The following OR5V1 variants were observed in gnomAD, a reference collection of about 807,000 sequenced individuals.
The protein encoded by OR5V1 is olfactory receptor 5V1.
For missense variants in OR5V1, 365 were observed against 371.5 expected, an observed-to-expected ratio of 0.98 and a Z score of 0.14; for synonymous variants, 134 against 143.2, an observed-to-expected ratio of 0.94 and a Z score of 0.46.
chr6:29,354,155 G>C lies in OR5V1; in HGVS notation c.*1075C>G, dbSNP rs1015672972. 6.6e-6 allele frequency: 1 copy of C among 152,130 alleles called. No individual in the cohort carries two copies. Among genetic ancestry groups the C allele is most frequent in the Admixed American group, 6.6e-5 (1 of 15,266 alleles). The allele number at this position is 152,130 out of a possible 1,614,324, so 9.4% of individuals were successfully genotyped here. ...GACACTAGACAACTTGTATCTACCT[G>C]ATCTATAAGCCTTTTTCTATCTCTC... is the stretch of plus-strand genomic sequence containing the variant. On this transcript the variant is annotated 3_prime_UTR_variant, in exon 2 of 2. Coordinates refer to ENST00000641768, the MANE Select transcript of OR5V1 (RefSeq NM_030876.6).
rs1162513405 is a variant in OR5V1 at position 29,355,530 on chromosome 6, G to T, written c.666C>A (p.Ile222=). 6.2e-7 allele frequency: 1 copy of T among 1,613,972 alleles called. No homozygotes were observed. Among genetic ancestry groups the T allele is most frequent in the Non-Finnish European group, 8.5e-7 (1 of 1,179,886 alleles). ...LCIVLSYICI[I]STILRIQSSE... ...AGGACTGGATCCTCAAGATGGTGGA[G>T]ATTATGCAAATGTAGGAAAGTACGA... Residue 222 remains isoleucine (I), a synonymous_variant, in exon 2 of 2, where the codon ATC becomes ATA. Coordinates refer to ENST00000641768, the MANE Select transcript of OR5V1 (RefSeq NM_030876.6).
At chr6:29,366,586 T>C (rs1778866822) in intron 1 of OR5V1, among the ~76,000 whole-genome samples, 1 of 152,240 alleles carries the variant, frequency 6.6e-6, no homozygotes, top group East Asian at 1.9e-4. Context: ...CAGAACTAAT[T>C]TCCTGCATGT....
intron 1 of OR5V1, among the ~76,000 whole-genome samples, chr6:29,356,715 G>T (rs535660708): frequency 6.6e-6 from 1 of 152,148 alleles, no homozygotes; most frequent in South Asian, 2.1e-4. Context: ...GAAAAATATA[G>T]AAAAGAAAAT....
In OR5V1 at chr6:29,355,399, T is replaced by G. The variant is rs1275913677; in HGVS notation, c.797A>C (p.Tyr266Ser). The G allele has an allele frequency of 6.2e-7, 1 of 1,613,696 alleles. No individual in the cohort carries two copies. The highest frequency in any genetic ancestry group is 1.3e-5 in the African/African-American group (1 of 74,838). ...AACCAACCTATCTTTCTTTAATGAG[T>G]AAGTTGAGATGGGCCGTACATATGT... ...IFTYVRPIST[Y>S]SLKKDRLVSV... is the part of the protein sequence containing the mutation. The change falls in exon 2 of 2, where the codon TAC becomes TCC. Residue 266 changes from tyrosine (Y) to serine (S), a missense_variant. Transcript: ENST00000641768.
At position 29,354,603 on chromosome 6, in the gene OR5V1, G is replaced by C. The variant is rs1324024967; in HGVS notation, c.*627C>G. ...TTAGAAAAATCCCTCAGGAAATTCT[G>C]CCTTTTGAATAGAATAAAGAATGCA... On this transcript the variant is annotated 3_prime_UTR_variant, in exon 2 of 2. Coordinates refer to ENST00000641768, the MANE Select transcript of OR5V1 (RefSeq NM_030876.6). The C allele has an allele frequency of 6.6e-6, 1 of 152,084 alleles. No homozygotes were observed. Among genetic ancestry groups the C allele is most frequent in the Non-Finnish European group, 1.5e-5 (1 of 67,982 alleles). 9.4% of individuals were successfully genotyped at this position (152,084 alleles called of 1,614,324 possible). A position where few individuals can be genotyped will look rare whatever the true frequency, so the allele number is the denominator to read the frequency against.
intron 1 of OR5V1, among the ~76,000 whole-genome samples, chr6:29,358,459 A>G (rs1189003841): frequency 2.0e-5 from 3 of 152,216 alleles, no homozygotes; most frequent in Non-Finnish European, 4.4e-5. Context: ...CCACTTCTGG[A>G]TATATATTCA....
chr6:29,363,555 C>T (rs1778688580), intron 1 of OR5V1, among the ~76,000 whole-genome samples: 1 of 152,092 alleles, frequency 6.6e-6, no homozygotes, highest in East Asian at 1.9e-4. Context: ...GCTCAATAAA[C>T]TACTGGCAAA....
chr6:29,367,840 C>A, intron 1 of OR5V1, among the ~76,000 whole-genome samples: 1 of 152,180 alleles, frequency 6.6e-6, no homozygotes, highest in Admixed American at 6.5e-5. Flanking sequence ...AGGAAAATTA[C>A]TGCTTTTCCA....
intron 1 of OR5V1, among the ~76,000 whole-genome samples, chr6:29,361,659 C>T (rs1376419392): frequency 1.3e-5 from 2 of 152,082 alleles, no homozygotes; most frequent in African/African-American, 4.8e-5. Context: ...ATTTTCAACT[C>T]AGAATTTTGC....
At position 29,354,942 on chromosome 6, in the gene OR5V1, T is replaced by C. The variant is rs1778180840; in HGVS notation, c.*288A>G. 3 of 305,860 alleles carry C rather than the reference T, an allele frequency of 9.8e-6. No individual in the cohort carries two copies. Among genetic ancestry groups the C allele is most frequent in the Non-Finnish European group, 1.8e-5 (3 of 169,452 alleles). The allele number at this position is 305,860 out of a possible 1,614,324, so 18.9% of individuals were successfully genotyped here. On this transcript the variant is annotated 3_prime_UTR_variant, in exon 2 of 2. Transcript: ENST00000641768. ...AAGCAATATGAAAAAGCAGGGAAAT[T>C]TTCAAGTGATGAAGTCCATTAAACA...
intron 1 of OR5V1, among the ~76,000 whole-genome samples, chr6:29,356,625 T>C (rs1294655592): frequency 6.6e-6 from 1 of 152,168 alleles, no homozygotes; most frequent in East Asian, 1.9e-4. Flanking sequence ...GCTCTCCTTT[T>C]TCATACTTCA....
In OR5V1 at chr6:29,364,594, C is replaced by T. The variant is rs1185883734; in HGVS notation, c.-83+4038G>A. On this transcript the variant is annotated intron_variant, in intron 1 of 1. Coordinates refer to ENST00000641768, the MANE Select transcript of OR5V1 (RefSeq NM_030876.6). ...CGGGCGGATCACGAGGTCAGGAGAT[C>T]GAGACCATCCCGGCTAAAACGGTGA... Among the ~76,000 whole-genome samples, 24 of 67,944 alleles carry T rather than the reference C, an allele frequency of 3.5e-4. 7 individuals carry two copies. Among genetic ancestry groups the T allele is most frequent in the African/African-American group, 1.0e-3 (24 of 23,746 alleles). The allele number at this position is 67,944 out of a possible 152,430, so 44.6% of individuals were successfully genotyped here.
At position 29,354,077 on chromosome 6, in the gene OR5V1, A is replaced by C. The variant is rs1778136309; in HGVS notation, c.*1153T>G. 1 of 152,178 alleles carries C rather than the reference A, an allele frequency of 6.6e-6. No homozygotes were observed. Among genetic ancestry groups the C allele is most frequent in the South Asian group, 2.1e-4 (1 of 4,832 alleles). The allele number at this position is 152,178 out of a possible 1,614,324, so 9.4% of individuals were successfully genotyped here. A position where few individuals can be genotyped will look rare whatever the true frequency, so the allele number is the denominator to read the frequency against. On this transcript the variant is annotated 3_prime_UTR_variant, in exon 2 of 2. Coordinates refer to ENST00000641768, the MANE Select transcript of OR5V1 (RefSeq NM_030876.6). ...AAGTCAAGACTTAATCAAGGGAGGC[A>C]TCAGTAGGTATGGGAAGAAAAAGAA...
In OR5V1 at chr6:29,355,120, A is replaced by G. The variant is rs1386981443; in HGVS notation, c.*110T>C. ...AGTACACTTAGACTGGAGTGTATCA[A>G]CTCTTCAATATCTGTCCCAACATTG... On this transcript the variant is annotated 3_prime_UTR_variant, in exon 2 of 2. Transcript: ENST00000641768. 3 of 1,063,546 alleles carry G rather than the reference A, an allele frequency of 2.8e-6. No individual in the cohort carries two copies. Among genetic ancestry groups the G allele is most frequent in the Non-Finnish European group, 1.3e-6 (1 of 752,156 alleles). 65.9% of individuals were successfully genotyped at this position (1,063,546 alleles called of 1,614,324 possible).
At position 29,364,517 on chromosome 6, in the gene OR5V1, G is replaced by GAGGCATCATGCTACCTGACTTCAAACTA. The variant is rs1229133093; in HGVS notation, c.-83+4114_-83+4115insTAGTTTGAAGTCAGGTAGCATGATGCCT. Among the ~76,000 whole-genome samples, 81 of 90,268 alleles carry GAGGCATCATGCTACCTGACTTCAAACTA rather than the reference G, an allele frequency of 9.0e-4. 2 individuals are homozygous for GAGGCATCATGCTACCTGACTTCAAACTA. Among genetic ancestry groups the GAGGCATCATGCTACCTGACTTCAAACTA allele is most frequent in the African/African-American group, 2.0e-3 (62 of 30,578 alleles). 59.2% of individuals were successfully genotyped at this position (90,268 alleles called of 152,430 possible). ...ATCCTAAGCAAAAAGAACAAAGCTGGGCCGGGCGCGGTGGCTCACGCCTGT... is the reference window on the plus strand; with the variant it reads ...ATCCTAAGCAAAAAGAACAAAGCTGGAGGCATCATGCTACCTGACTTCAAACTAGCCGGGCGCGGTGGCTCACGCCTGT... On this transcript the variant is annotated intron_variant, in intron 1 of 1. Coordinates refer to ENST00000641768, the MANE Select transcript of OR5V1 (RefSeq NM_030876.6).
Position 29,354,755 on chromosome 6 carries a change from A to G in OR5V1, c.*475T>C, listed in dbSNP as rs1346645988. The G allele has an allele frequency of 6.6e-6, 1 of 152,546 alleles. No individual in the cohort carries two copies. The highest frequency in any genetic ancestry group is 2.4e-5 in the African/African-American group (1 of 41,476). The allele number at this position is 152,546 out of a possible 1,614,324, so 9.4% of individuals were successfully genotyped here. A position where few individuals can be genotyped will look rare whatever the true frequency, so the allele number is the denominator to read the frequency against. On this transcript the variant is annotated 3_prime_UTR_variant, in exon 2 of 2. Transcript: ENST00000641768. ...AGATCTGGAGGTAAAACATCACTTT[A>G]CTGTGTTTACATTTCTTAATCTATT...
chr6:29,357,369 T>TA (rs1044010958), intron 1 of OR5V1, among the ~76,000 whole-genome samples: 24 of 151,850 alleles, frequency 1.6e-4, no homozygotes, highest in African/African-American at 3.9e-4. Flanking sequence ...AGCTAGCAGG[T>TA]AAAAAAAAGG....
rs368148431 is a variant in OR5V1 at position 29,355,905 on chromosome 6, A to C, written c.291T>G (p.Cys97Trp). ...AAACAAATGCAAAAAGTTGAACCACACACCCCACATAAGAAATGCTTTTTT... is the reference window on the plus strand; with the variant it reads ...AAACAAATGCAAAAAGTTGAACCACCCACCCCACATAAGAAATGCTTTTTT... ...SKKKSISYVGCVVQLFAFVFF... is the reference protein window; with the variant it reads ...SKKKSISYVGWVVQLFAFVFF... Residue 97 changes from cysteine to tryptophan, a missense_variant, in exon 2 of 2, where the codon TGT (cysteine) becomes TGG (tryptophan). Coordinates refer to ENST00000641768, the MANE Select transcript of OR5V1 (RefSeq NM_030876.6). 17 of 1,613,926 alleles carry C rather than the reference A, an allele frequency of 1.1e-5. No homozygotes were observed. The highest frequency in any genetic ancestry group is 2.7e-5 in the African/African-American group (2 of 74,910).
In OR5V1 at chr6:29,355,969, C is replaced by G; in HGVS notation, c.227G>C (p.Ser76Thr). 1 of 1,613,964 alleles carries G rather than the reference C, an allele frequency of 6.2e-7. No homozygotes were observed. Among genetic ancestry groups the G allele is most frequent in the Non-Finnish European group, 8.5e-7 (1 of 1,179,940 alleles). ...LAFIDICYTT[S>T]NVPQMMVHLL... Reference sequence around the variant, plus strand: ...GTGCACCATCATCTGGGGGACATTGCTGGTGGTGTAGCAGATGTCAATAAA... The same window carrying G: ...GTGCACCATCATCTGGGGGACATTGGTGGTGGTGTAGCAGATGTCAATAAA... The change falls in exon 2 of 2, where the codon AGC (serine) becomes ACC (threonine). Residue 76 changes from serine (S) to threonine (T), a missense_variant. By Grantham distance (58) the Ser-to-Thr change is moderately conservative. Coordinates refer to ENST00000641768, the MANE Select transcript of OR5V1 (RefSeq NM_030876.6).
Sources: allele counts gnomAD v4.1 joint callset (sites outside exome capture counted in the v4.1 genomes callset), GRCh38; gene constraint gnomAD v4.1.1; transcripts MANE v1.5; gene names NCBI Gene and HGNC (gene_info 2026-07-23, HGNC 2026-07-21).